Variants in KCNA3 observed in about 807,000 individuals in gnomAD.
KCNA3 encodes RP11-284N8.3.
In KCNA3, 18 loss-of-function variants were observed where a neutral mutation model predicts 34.3. That is an observed-to-expected ratio of 0.52 (90% CI 0.36 to 0.78). The LOEUF is 0.78. KCNA3 is among the 30% of genes least tolerant of loss of function. The probability of loss-of-function intolerance (pLI) is 0.00; values close to 1 mark genes in which losing one functional copy is unlikely to be tolerated. For missense variants in KCNA3, 587 were observed against 802.5 expected, an observed-to-expected ratio of 0.73 and a Z score of 3.24; for synonymous variants, 324 against 351.7, an observed-to-expected ratio of 0.92 and a Z score of 0.88.
Position 110,674,215 on chromosome 1 carries a change from C to T in KCNA3, c.595G>A (p.Glu199Lys). 1 of 1,613,476 alleles carries T rather than the reference C, an allele frequency of 6.2e-7. No individual in the cohort carries two copies. Among genetic ancestry groups the T allele is most frequent in the Non-Finnish European group, 8.5e-7 (1 of 1,179,588 alleles). ...TCCTCCCGCAGGAAGCCCTCGTCCT[C>T]GCGGAACTTCTCCATGGCCTCCTCG... ...LGEEAMEKFR[E>K]DEGFLREEER... Residue 199 changes from glutamate (E) to lysine (K), a missense_variant, in exon 1 of 1, where the codon GAG (glutamate) becomes AAG (lysine). Physicochemically the swap from Glu to Lys is moderately conservative, Grantham distance 56. This residue lies in a region of KCNA3 where 341 missense variants were observed against 355.4 expected (regional missense o/e 0.96). Transcript: ENST00000369769. This position sits in a 1 kb window ranked among gnomAD's most constrained non-coding sequence, Gnocchi z 6.4.
chr1:110,663,806 T>C, the KCNA3 span, among the ~76,000 whole-genome samples: 45 of 152,198 alleles, frequency 3.0e-4, no homozygotes, highest in Non-Finnish European at 2.9e-5. Context: ...AGTTTGACCG[T>C]TTTATAAATG....
chr1:110,664,558 G>T, the KCNA3 span, among the ~76,000 whole-genome samples: 1 of 152,130 alleles, frequency 6.6e-6, no homozygotes, highest in Non-Finnish European at 1.5e-5. Context: ...TGCATGACAT[G>T]AAAATTTTGT....
At chr1:110,660,648 C>T in the KCNA3 span, among the ~76,000 whole-genome samples, 1 of 152,132 alleles carries the variant, frequency 6.6e-6, no homozygotes, top group Non-Finnish European at 1.5e-5. Context: ...AAAATATGAA[C>T]TCTGCACAGT....
rs1180241834 is a variant in KCNA3 at position 110,674,530 on chromosome 1, G to T, written c.280C>A (p.Pro94Thr). 6.2e-7 allele frequency: 1 copy of T among 1,609,482 alleles called. No individual in the cohort carries two copies. ...CAGCAGTCCTGCTCGCCCGCGGCCGGCAGTGAGGGCGGCAGCGGCTCGTAG... is the reference window on the plus strand; with the variant it reads ...CAGCAGTCCTGCTCGCCCGCGGCCGTCAGTGAGGGCGGCAGCGGCTCGTAG... The part of the protein sequence containing the change: ...DRYEPLPPSL[P>T]AAGEQDCCGE... Residue 94 changes from proline (P) to threonine (T), a missense_variant, in exon 1 of 1, where the codon CCG (proline) becomes ACG (threonine). Pro to Thr is a conservative substitution (Grantham distance 38). Coordinates refer to ENST00000369769, the MANE Select transcript of KCNA3 (RefSeq NM_002232.5). This position sits in a 1 kb window ranked among gnomAD's most constrained non-coding sequence, Gnocchi z 6.4.
chr1:110,656,038 A>G, the KCNA3 span: 1 of 152,176 alleles, frequency 6.6e-6, no homozygotes, highest in Non-Finnish European at 1.5e-5. Context: ...AACATTCACA[A>G]AATTTTGTGA....
At chr1:110,656,983 C>G in the KCNA3 span, 2 of 151,250 alleles carry the variant, frequency 1.3e-5, no homozygotes, top group Non-Finnish European at 2.9e-5. Flanking sequence ...ATGATACTTT[C>G]AAGGCTTAAA....
chr1:110,666,236 G>A, the KCNA3 span, among the ~76,000 whole-genome samples: 1 of 151,996 alleles, frequency 6.6e-6, no homozygotes, highest in African/African-American at 2.4e-5. Context: ...ATAATCAAGG[G>A]CATCTTAAAT....
the KCNA3 span, among the ~76,000 whole-genome samples, chr1:110,667,264 G>A: frequency 6.6e-6 from 1 of 152,124 alleles, no homozygotes; most frequent in Non-Finnish European, 1.5e-5. Context: ...AAAACATGTA[G>A]GCATGATGCT....
At chr1:110,658,537 C>A in the KCNA3 span, among the ~76,000 whole-genome samples, 2 of 152,132 alleles carry the variant, frequency 1.3e-5, no homozygotes, top group African/African-American at 2.4e-5. Flanking sequence ...ATTAATGGCA[C>A]AGAAGTGAAA....
At chr1:110,668,611 C>T (rs1651772101), downstream of KCNA3, among the ~76,000 whole-genome samples, 1 of 152,132 alleles carries the variant, frequency 6.6e-6, no homozygotes. Flanking sequence ...AATGCTTCCT[C>T]CTATGCGTAG....
At chr1:110,666,763 T>C in the KCNA3 span, among the ~76,000 whole-genome samples, 5 of 152,112 alleles carry the variant, frequency 3.3e-5, no homozygotes, top group African/African-American at 1.2e-4. Context: ...CACAGTAAAG[T>C]GGGCTGTTTT....
At chr1:110,662,346 A>G in the KCNA3 span, among the ~76,000 whole-genome samples, 1 of 152,152 alleles carries the variant, frequency 6.6e-6, no homozygotes, top group African/African-American at 2.4e-5. Flanking sequence ...ATTTATGAAG[A>G]AGTAATTAAT....
At chr1:110,671,487 T>C (rs923982358), downstream of KCNA3, among the ~76,000 whole-genome samples, 1 of 152,244 alleles carries the variant, frequency 6.6e-6, no homozygotes, top group Non-Finnish European at 1.5e-5. Context: ...TGATTCTGTC[T>C]GTCTTCTGGC....
chr1:110,664,442 T>C, the KCNA3 span, among the ~76,000 whole-genome samples: 1 of 152,206 alleles, frequency 6.6e-6, no homozygotes, highest in Admixed American at 6.5e-5. Context: ...TGCTGGAGCA[T>C]GTTTTCGCAA....
chr1:110,656,879 C>T, the KCNA3 span: 1 of 152,052 alleles, frequency 6.6e-6, no homozygotes, highest in African/African-American at 2.4e-5. Flanking sequence ...ACTGATTTTT[C>T]TACTTTTTTG....
chr1:110,671,746 C>T (rs1188868341), downstream of KCNA3, among the ~76,000 whole-genome samples: 2 of 152,118 alleles, frequency 1.3e-5, no homozygotes, highest in Non-Finnish European at 2.9e-5. Context: ...TCGAATCTCT[C>T]ATTTGCTTAT....
the KCNA3 span, among the ~76,000 whole-genome samples, chr1:110,667,065 A>AGG: frequency 2.0e-5 from 3 of 152,068 alleles, no homozygotes; most frequent in Middle Eastern, 3.4e-3. Flanking sequence ...TGAACAGGTG[A>AGG]GGGGTGTGTG....
the KCNA3 span, among the ~76,000 whole-genome samples, chr1:110,660,037 T>A: frequency 1.3e-5 from 2 of 152,074 alleles, no homozygotes; most frequent in Admixed American, 1.3e-4. Flanking sequence ...TACCTATGTA[T>A]CAAACCTGCA....
chr1:110,655,508 A>G, the KCNA3 span: 1 of 152,132 alleles, frequency 6.6e-6, no homozygotes, highest in Admixed American at 6.5e-5. Context: ...ATCAAGTTTC[A>G]TCAGATTTAA....
Sources: allele counts gnomAD v4.1 joint callset (sites outside exome capture counted in the v4.1 genomes callset), GRCh38; gene constraint gnomAD v4.1.1; regional missense constraint gnomAD v4.1.1; non-coding constraint Gnocchi (gnomAD v3.1); transcripts MANE v1.5; gene names NCBI Gene and HGNC (gene_info 2026-07-23, HGNC 2026-07-21).